The following TBC1D9 variants were observed in gnomAD, a reference collection of about 807,000 sequenced individuals.
The protein encoded by TBC1D9 is TBC1 domain family member 9A.
A neutral mutation model predicts 132.0 loss-of-function variants in TBC1D9; 63 were observed. The observed-to-expected ratio is 0.48, with a 90% confidence interval of 0.39 to 0.59. TBC1D9 has a LOEUF of 0.59. Among genes scored for constraint, TBC1D9 ranks in the 20% least tolerant of loss-of-function variants. The pLI, the probability that TBC1D9 is intolerant of heterozygous loss-of-function variation, is 0.00. For synonymous variants in TBC1D9, 610 were observed against 609.9 expected (o/e 1.00, Z 0.00); for missense variants, 1,261 against 1,592.7 (o/e 0.79, Z 3.54).
intron 9 of TBC1D9, among the ~76,000 whole-genome samples, chr4:140,667,822 C>T (rs1737471204): frequency 6.6e-6 from 1 of 152,058 alleles, no homozygotes; most frequent in African/African-American, 2.4e-5. Flanking sequence ...ATAGACAAAA[C>T]CAATTATTTT....
At chr4:140,746,431 G>C (rs1013501775) in intron 1 of TBC1D9, among the ~76,000 whole-genome samples, 11 of 152,062 alleles carry the variant, frequency 7.2e-5, no homozygotes, top group Admixed American at 7.2e-4. Context: ...GCTTTTATTA[G>C]ATTTTCAAAT....
intron 20 of TBC1D9, among the ~76,000 whole-genome samples, chr4:140,623,723 A>G (rs1489513251): frequency 6.6e-6 from 1 of 152,156 alleles, no homozygotes; most frequent in Admixed American, 6.5e-5. Context: ...TTTTCAGCCT[A>G]TAATTATTTA....
chr4:140,734,616 AC>A (rs1160613695), intron 1 of TBC1D9, among the ~76,000 whole-genome samples: 1 of 151,826 alleles, frequency 6.6e-6, no homozygotes, highest in African/African-American at 2.4e-5. Flanking sequence ...ACATAGTGAG[AC>A]CCCCATCTCT....
chr4:140,679,691 C>T lies in TBC1D9; in HGVS notation c.513G>A (p.Gly171=). 1 of 1,613,850 alleles carries T rather than the reference C, an allele frequency of 6.2e-7. No homozygotes were observed. Among genetic ancestry groups the T allele is most frequent in the South Asian group, 1.1e-5 (1 of 91,078 alleles). The change falls in exon 4 of 21, where the codon GGG becomes GGA. Residue 171 remains glycine (G), a synonymous_variant. Transcript: ENST00000442267. ...VNYYSCSYWK[G]KVPRQGWMYL... ...ACATCCAACCCTGACGGGGGACCTTCCCCTTCCAATAGCTGCAAGAGTAAT... is the reference window on the plus strand; with the variant it reads ...ACATCCAACCCTGACGGGGGACCTTTCCCTTCCAATAGCTGCAAGAGTAAT...
intron 3 of TBC1D9, among the ~76,000 whole-genome samples, chr4:140,684,553 A>AT (rs1341642580): frequency 6.6e-6 from 1 of 152,042 alleles, no homozygotes; most frequent in African/African-American, 2.4e-5. Context: ...AAAAAGGAAA[A>AT]TGGCTGTTTG....
intron 18 of TBC1D9, 36 bp downstream of exon 18, chr4:140,627,405 A>AC: frequency 7.3e-7 from 1 of 1,363,446 alleles, no homozygotes; most frequent in South Asian, 1.2e-5. Flanking sequence ...TCGGTAGAAA[A>AC]CAAATATAGT....
chr4:140,756,161 TGCGGCGGCGGCG>T lies in TBC1D9; in HGVS notation c.-128_-117del, dbSNP rs1011715235. 1 of 822,400 alleles carries T rather than the reference TGCGGCGGCGGCG, an allele frequency of 1.2e-6. No individual in the cohort carries two copies. The highest frequency in any genetic ancestry group is 3.5e-5 in the East Asian group (1 of 28,704). 50.9% of individuals were successfully genotyped at this position (822,400 alleles called of 1,614,324 possible). Reference sequence around the variant, plus strand: ...CGCGCCCGCCCGCCCGTCCGCTAGGTGCGGCGGCGGCGGCGGCAGGCGACTTCAGGGGGTGGC... The same window carrying T: ...CGCGCCCGCCCGCCCGTCCGCTAGGTGCGGCAGGCGACTTCAGGGGGTGGC... On this transcript the variant is annotated 5_prime_UTR_variant, in exon 1 of 21. Transcript: ENST00000442267. This position sits in a 1 kb window ranked among gnomAD's most constrained non-coding sequence, Gnocchi z 5.6.
At position 140,665,277 on chromosome 4, in the gene TBC1D9, C is replaced by T. The variant is rs79715203; in HGVS notation, c.1589-3170G>A. On this transcript the variant is annotated intron_variant, in intron 9 of 20. Coordinates refer to ENST00000442267, the MANE Select transcript of TBC1D9 (RefSeq NM_015130.3). ...ATTAAAATTAAATTTTTTTGTGCTTCGAAGGATACCATCAAAGACAGTGAA... is the reference window on the plus strand; with the variant it reads ...ATTAAAATTAAATTTTTTTGTGCTTTGAAGGATACCATCAAAGACAGTGAA... 7.7e-3 allele frequency among the ~76,000 whole-genome samples: 1,168 copies of T among 151,988 alleles called. 8 individuals carry two copies. The highest frequency in any genetic ancestry group is 0.017 in the Middle Eastern group (5 of 294).
chr4:140,738,765 A>G (rs1280363073), intron 1 of TBC1D9, among the ~76,000 whole-genome samples: 1 of 152,182 alleles, frequency 6.6e-6, no homozygotes, highest in African/African-American at 2.4e-5. Flanking sequence ...TCTTAATTTT[A>G]TATCTTGGAA....
chr4:140,649,189 T>G (rs1490610208), intron 13 of TBC1D9, among the ~76,000 whole-genome samples: 1 of 152,202 alleles, frequency 6.6e-6, no homozygotes, highest in African/African-American at 2.4e-5. Context: ...CAAAGCTCAA[T>G]GTAGGCCAGA....
chr4:140,659,410 G>A (rs1737324484), intron 11 of TBC1D9, 178 bp downstream of exon 11: 1 of 488,116 alleles, frequency 2.0e-6, no homozygotes, highest in Non-Finnish European at 3.6e-6. Context: ...AACTCCACGG[G>A]GCTCCTTTGT....
intron 1 of TBC1D9, among the ~76,000 whole-genome samples, chr4:140,749,767 T>A (rs778343067): frequency 3.9e-5 from 6 of 152,050 alleles, no homozygotes; most frequent in African/African-American, 1.4e-4. Context: ...GAGTTGAAAG[T>A]GAAAGTATGA....
At chr4:140,652,871 T>C (rs1388528240) in intron 13 of TBC1D9, among the ~76,000 whole-genome samples, 1 of 152,210 alleles carries the variant, frequency 6.6e-6, no homozygotes, top group Non-Finnish European at 1.5e-5. Context: ...GCCACATCCT[T>C]TCCCTGCTTA....
intron 16 of TBC1D9, among the ~76,000 whole-genome samples, chr4:140,630,506 C>T (rs556752296): frequency 1.3e-5 from 2 of 152,210 alleles, no homozygotes; most frequent in East Asian, 1.9e-4. Context: ...GCCCTTAACA[C>T]AAAAAGAGCC....
Position 140,717,685 on chromosome 4 carries a change from G to C in TBC1D9, c.131-16071C>G, listed in dbSNP as rs959105512. 4.6e-5 allele frequency among the ~76,000 whole-genome samples: 7 copies of C among 152,302 alleles called. No individual in the cohort carries two copies. In the East Asian group the frequency reaches 1.4e-3, roughly 29 times the overall value. On this transcript the variant is annotated intron_variant, in intron 1 of 20. Transcript: ENST00000442267. ...GGGCCTCTATGAAATCTAGAACACA[G>C]ATCAGGGAAACAGATTCTTTCTACA...
At chr4:140,672,316 A>AT (rs1737551145) in intron 6 of TBC1D9, among the ~76,000 whole-genome samples, 1 of 151,168 alleles carries the variant, frequency 6.6e-6, no homozygotes, top group Admixed American at 6.6e-5. Flanking sequence ...GAAGTTGTAC[A>AT]TAAGGATTTT....
At chr4:140,637,441 C>T (rs1291490220) in intron 15 of TBC1D9, among the ~76,000 whole-genome samples, 1 of 152,114 alleles carries the variant, frequency 6.6e-6, no homozygotes, top group Non-Finnish European at 1.5e-5. Flanking sequence ...CTTTTGCTTT[C>T]CCCGAGTCAG....
intron 1 of TBC1D9, among the ~76,000 whole-genome samples, chr4:140,723,853 C>T (rs1358979477): frequency 6.6e-6 from 1 of 152,108 alleles, no homozygotes; most frequent in African/African-American, 2.4e-5. Context: ...TTCAAATGTT[C>T]CACCTCAGCC....
chr4:140,666,104 A>G (rs543265216), intron 9 of TBC1D9, among the ~76,000 whole-genome samples: 27 of 152,356 alleles, frequency 1.8e-4, no homozygotes, highest in African/African-American at 6.5e-4. Flanking sequence ...TGTCCATACA[A>G]TGATATAATA....
Sources: allele counts gnomAD v4.1 joint callset (sites outside exome capture counted in the v4.1 genomes callset), GRCh38; gene constraint gnomAD v4.1.1; non-coding constraint Gnocchi (gnomAD v3.1); transcripts MANE v1.5; gene names NCBI Gene and HGNC (gene_info 2026-07-23, HGNC 2026-07-21).